EPHA6: variants seen among roughly 807,000 people sequenced by gnomAD.
The protein encoded by EPHA6 is EPH receptor A6.
In EPHA6, 50 loss-of-function variants were observed where a neutral mutation model predicts 112.0. The observed-to-expected ratio is 0.45, with a 90% CI of 0.36 to 0.56. The LOEUF is 0.56. EPHA6 is among the 20% of genes least tolerant of loss of function. The pLI is 0.00. For synonymous variants in EPHA6, 529 were observed against 490.7 expected (o/e 1.08, Z -1.03); for missense variants, 1,280 against 1,417.4 (o/e 0.90, Z 1.56).
At chr3:97,288,017 G>A (rs2080534146) in intron 5 of EPHA6, among the ~76,000 whole-genome samples, 1 of 151,472 alleles carries the variant, frequency 6.6e-6, no homozygotes, top group Non-Finnish European at 1.5e-5. Context: ...GAATAAAGCA[G>A]TGAAGCCATC....
At chr3:96,873,548 C>T (rs897417233) in intron 2 of EPHA6, among the ~76,000 whole-genome samples, 1 of 152,116 alleles carries the variant, frequency 6.6e-6, no homozygotes, top group Admixed American at 6.6e-5. Flanking sequence ...TGTTTTCTTG[C>T]AATGAACGGT....
At chr3:96,859,230 T>A (rs1290745870) in intron 1 of EPHA6, among the ~76,000 whole-genome samples, 1 of 152,132 alleles carries the variant, frequency 6.6e-6, no homozygotes. Flanking sequence ...TTGGCTGTAA[T>A]GTCAATGGAC....
chr3:97,045,364 C>T (rs144290792), intron 3 of EPHA6, among the ~76,000 whole-genome samples: 129 of 152,022 alleles, frequency 8.5e-4, no homozygotes, highest in Non-Finnish European at 1.4e-3. Context: ...ATCGGTATGT[C>T]ACAAAATGAT....
chr3:97,012,605 G>GTATA (rs1273603174), intron 3 of EPHA6, among the ~76,000 whole-genome samples: 24 of 139,820 alleles, frequency 1.7e-4, no homozygotes, highest in African/African-American at 6.0e-4. Context: ...GTGTGTGTGT[G>GTATA]TGTATATATA....
intron 3 of EPHA6, among the ~76,000 whole-genome samples, chr3:97,060,106 G>T (rs1263597649): frequency 1.3e-5 from 2 of 152,132 alleles, no homozygotes; most frequent in African/African-American, 4.8e-5. Flanking sequence ...GGGTGACAGG[G>T]CAAGACTCCG....
intron 1 of EPHA6, among the ~76,000 whole-genome samples, chr3:96,853,976 A>G (rs2035542839): frequency 6.6e-6 from 1 of 151,980 alleles, no homozygotes; most frequent in South Asian, 2.1e-4. Context: ...TAGTTGCTTT[A>G]TAAGAACTCT....
At chr3:97,623,009 T>G (rs2093826127) in intron 13 of EPHA6, among the ~76,000 whole-genome samples, 1 of 151,840 alleles carries the variant, frequency 6.6e-6, no homozygotes, top group Non-Finnish European at 1.5e-5. Flanking sequence ...ACTATTCCCT[T>G]AGGAGATATA....
chr3:97,161,630 C>G (rs547298355), intron 3 of EPHA6, among the ~76,000 whole-genome samples: 1 of 151,934 alleles, frequency 6.6e-6, no homozygotes, highest in Non-Finnish European at 1.5e-5. Flanking sequence ...TTTTTCCTGG[C>G]GGCAGGAGAG....
chr3:97,009,514 C>G (rs1275139725), intron 3 of EPHA6, among the ~76,000 whole-genome samples: 1 of 152,218 alleles, frequency 6.6e-6, no homozygotes. Flanking sequence ...CTGCCCTTCC[C>G]CCATCCAGGG....
Position 97,750,867 on chromosome 3 carries a change from C to T in EPHA6, c.*2166C>T, listed in dbSNP as rs1488153081. 6.6e-6 allele frequency among the ~76,000 whole-genome samples: 1 copy of T among 152,150 alleles called. No individual in the cohort carries two copies. Among genetic ancestry groups the T allele is most frequent in the Non-Finnish European group, 1.5e-5 (1 of 68,008 alleles). On this transcript the variant is annotated 3_prime_UTR_variant, in exon 18 of 18. Coordinates refer to ENST00000389672, the MANE Select transcript of EPHA6 (RefSeq NM_001080448.3). ...GTAGGGGGTGATGGGAAAATCATCA[C>T]TTTTCAAGTAAGTGTGCCAGATATA...
At chr3:97,423,429 A>G (rs1222532091) in intron 6 of EPHA6, among the ~76,000 whole-genome samples, 1 of 152,192 alleles carries the variant, frequency 6.6e-6, no homozygotes, top group Non-Finnish European at 1.5e-5. Context: ...AAAATACCTA[A>G]GAATACATCT....
intron 5 of EPHA6, among the ~76,000 whole-genome samples, chr3:97,362,643 T>C (rs1256745719): frequency 1.3e-5 from 2 of 152,016 alleles, no homozygotes; most frequent in East Asian, 3.9e-4. Flanking sequence ...TAGGTATACT[T>C]TGTTTCATGC....
intron 10 of EPHA6, among the ~76,000 whole-genome samples, chr3:97,487,739 T>G (rs2091731950): frequency 1.3e-5 from 2 of 152,186 alleles, no homozygotes; most frequent in African/African-American, 4.8e-5. Flanking sequence ...TCATCAATAT[T>G]GGCCTGAATT....
intron 14 of EPHA6, among the ~76,000 whole-genome samples, chr3:97,696,595 A>T (rs1276457789): frequency 1.3e-5 from 2 of 152,164 alleles, no homozygotes; most frequent in Non-Finnish European, 2.9e-5. Flanking sequence ...CCACCTCATA[A>T]GAACCATATC....
intron 14 of EPHA6, among the ~76,000 whole-genome samples, chr3:97,655,802 TGTTAAATGACGA>T (rs1307476020): frequency 6.6e-6 from 1 of 151,162 alleles, no homozygotes; most frequent in Non-Finnish European, 1.5e-5. Flanking sequence ...ATATACCTAA[TGTTAAATGACGA>T]GTTAATGGGT....
chr3:97,243,504 C>T (rs983390950), intron 4 of EPHA6, among the ~76,000 whole-genome samples: 3 of 151,738 alleles, frequency 2.0e-5, no homozygotes, highest in African/African-American at 7.3e-5. Flanking sequence ...ATTTTATCTA[C>T]ATATGAATTA....
chr3:97,474,991 GTGTTTAA>G (rs1371263099), intron 7 of EPHA6, among the ~76,000 whole-genome samples: 1 of 152,076 alleles, frequency 6.6e-6, no homozygotes, highest in Non-Finnish European at 1.5e-5. Flanking sequence ...CTATTGGCCA[GTGTTTAA>G]GAGGAAATAC....
intron 11 of EPHA6, among the ~76,000 whole-genome samples, chr3:97,541,752 T>G (rs1434900892): frequency 7.3e-6 from 1 of 136,872 alleles, no homozygotes; most frequent in African/African-American, 3.4e-5. Context: ...TTTGTTTGTT[T>G]TAAAGAAGTT....
intron 3 of EPHA6, among the ~76,000 whole-genome samples, chr3:97,158,876 C>T (rs115177320): frequency 1.8e-3 from 275 of 152,170 alleles, no homozygotes; most frequent in Non-Finnish European, 3.0e-3. Context: ...TTTAACAGCT[C>T]ACTAGGAATT....
Sources: allele counts gnomAD v4.1 joint callset (sites outside exome capture counted in the v4.1 genomes callset), GRCh38; gene constraint gnomAD v4.1.1; transcripts MANE v1.5; gene names NCBI Gene and HGNC (gene_info 2026-07-23, HGNC 2026-07-21).